AGBL4: variants seen among roughly 807,000 people sequenced by gnomAD.
AGBL4 encodes the protein AGBL carboxypeptidase 4, also known as cytosolic carboxypeptidase 6.
In AGBL4, 58 loss-of-function variants were observed where a neutral mutation model predicts 66.4. The observed-to-expected ratio is 0.87, with a 90% CI of 0.71 to 1.09. AGBL4 has a LOEUF of 1.09. Among genes scored for constraint, AGBL4 ranks in the 50% least tolerant of loss-of-function variants. The probability of loss-of-function intolerance (pLI) is 0.00; values close to 1 mark genes in which losing one functional copy is unlikely to be tolerated. For synonymous variants in AGBL4, 234 were observed against 222.9 expected (o/e 1.05, Z -0.44); for missense variants, 579 against 631.0 (o/e 0.92, Z 0.88).
intron 2 of AGBL4, among the ~76,000 whole-genome samples, chr1:49,792,581 T>A (rs1644627691): frequency 6.6e-6 from 1 of 152,088 alleles, no homozygotes; most frequent in South Asian, 2.1e-4. Context: ...GCTGGGTGCT[T>A]TACACAGGTC....
At chr1:49,668,267 T>C (rs1432653750) in intron 3 of AGBL4, among the ~76,000 whole-genome samples, 1 of 152,218 alleles carries the variant, frequency 6.6e-6, no homozygotes, top group Non-Finnish European at 1.5e-5. Flanking sequence ...TATAAAATAT[T>C]CATTCCCACT....
intron 4 of AGBL4, among the ~76,000 whole-genome samples, chr1:49,091,684 C>T (rs781477902): frequency 1.3e-5 from 2 of 152,036 alleles, no homozygotes; most frequent in Non-Finnish European, 2.9e-5. Context: ...ATTGGGTATA[C>T]ACCCAAAGGA....
At chr1:49,217,515 A>T (rs1231126016) in intron 4 of AGBL4, among the ~76,000 whole-genome samples, 1 of 152,092 alleles carries the variant, frequency 6.6e-6, no homozygotes, top group African/African-American at 2.4e-5. Flanking sequence ...CTATGCACCC[A>T]CCTTACACTT....
intron 8 of AGBL4, among the ~76,000 whole-genome samples, chr1:48,651,957 G>A (rs1645937230): frequency 1.3e-5 from 2 of 152,188 alleles, no homozygotes; most frequent in Admixed American, 6.5e-5. Context: ...CTAGGCATGA[G>A]GGACACAAAG....
At chr1:49,139,087 C>T (rs146900456) in intron 4 of AGBL4, among the ~76,000 whole-genome samples, 2 of 152,172 alleles carry the variant, frequency 1.3e-5, no homozygotes, top group Non-Finnish European at 2.9e-5. Context: ...AACTCGCTAT[C>T]CCAAGAACAG....
chr1:48,641,795 A>G (rs113512096), intron 8 of AGBL4, among the ~76,000 whole-genome samples: 218 of 152,272 alleles, frequency 1.4e-3, no homozygotes, highest in African/African-American at 4.7e-3. Flanking sequence ...CCAACTCTAA[A>G]GCCTATGTTC....
intron 11 of AGBL4, among the ~76,000 whole-genome samples, chr1:48,581,916 T>C (rs1346691573): frequency 6.6e-6 from 1 of 152,210 alleles, no homozygotes; most frequent in Non-Finnish European, 1.5e-5. Flanking sequence ...ACTGTATTCT[T>C]GCCACAGCAT....
At chr1:49,254,414 A>T (rs932590972) in intron 3 of AGBL4, among the ~76,000 whole-genome samples, 1 of 152,206 alleles carries the variant, frequency 6.6e-6, no homozygotes, top group Non-Finnish European at 1.5e-5. Context: ...CCCATTTACA[A>T]TTGCAACAAA....
At chr1:48,565,765 G>A (rs1644467046) in intron 11 of AGBL4, among the ~76,000 whole-genome samples, 1 of 152,310 alleles carries the variant, frequency 6.6e-6, no homozygotes, top group Admixed American at 6.5e-5. Flanking sequence ...AATAATCTCT[G>A]TCTTGTCTTC....
At chr1:49,492,062 C>T (rs1025916490) in intron 3 of AGBL4, among the ~76,000 whole-genome samples, 1 of 151,866 alleles carries the variant, frequency 6.6e-6, no homozygotes, top group African/African-American at 2.4e-5. Flanking sequence ...CTTTATTGTA[C>T]TGCTCTCACA....
intron 5 of AGBL4, among the ~76,000 whole-genome samples, chr1:48,987,844 G>C (rs1348233965): frequency 6.6e-6 from 1 of 152,040 alleles, no homozygotes; most frequent in Non-Finnish European, 1.5e-5. Context: ...AATGTTGCAG[G>C]ATACAAGATA....
intron 11 of AGBL4, among the ~76,000 whole-genome samples, chr1:48,540,833 T>C (rs1293823704): frequency 1.3e-5 from 2 of 152,172 alleles, no homozygotes; most frequent in Non-Finnish European, 1.5e-5. Context: ...TTCTCCTAGA[T>C]TGCTGTCATC....
intron 5 of AGBL4, among the ~76,000 whole-genome samples, chr1:48,977,810 A>C (rs1298132203): frequency 6.6e-6 from 1 of 152,180 alleles, no homozygotes; most frequent in African/African-American, 2.4e-5. Flanking sequence ...TGGAACCCAG[A>C]GGATTATCTG....
At chr1:48,913,670 A>G (rs1427837572) in intron 5 of AGBL4, among the ~76,000 whole-genome samples, 1 of 152,174 alleles carries the variant, frequency 6.6e-6, no homozygotes, top group African/African-American at 2.4e-5. Flanking sequence ...CAGGGCTCCC[A>G]CTAATTATTA....
intron 5 of AGBL4, among the ~76,000 whole-genome samples, chr1:48,942,612 C>G (rs1235183433): frequency 2.6e-5 from 4 of 152,246 alleles, no homozygotes; most frequent in African/African-American, 9.6e-5. Context: ...AAGCTGTGTC[C>G]CAATTCAATG....
chr1:49,829,646 C>T (rs546973244), intron 2 of AGBL4, among the ~76,000 whole-genome samples: 10 of 152,082 alleles, frequency 6.6e-5, no homozygotes, highest in East Asian at 1.9e-4. Flanking sequence ...ATTTAAGTTC[C>T]GGAAAACATG....
intron 2 of AGBL4, among the ~76,000 whole-genome samples, chr1:49,789,930 ATAC>A (rs1644553299): frequency 6.6e-6 from 1 of 152,212 alleles, no homozygotes; most frequent in African/African-American, 2.4e-5. Flanking sequence ...ACTTCAAACT[ATAC>A]TACAAGGCTA....
In AGBL4 at chr1:49,928,488, A is replaced by C. The variant is rs572163614; in HGVS notation, c.35-76970T>G. Among the ~76,000 whole-genome samples, 8 of 152,194 alleles carry C rather than the reference A, an allele frequency of 5.3e-5. No individual in the cohort carries two copies. The South Asian group carries it at 1.7e-3, about 32-fold the overall frequency. ...ATGATCTCGATCTCTTGACCTCGTG[A>C]TCCACCCACCTTGACCTCCCAAAGT... On this transcript the variant is annotated intron_variant, in intron 1 of 13. Coordinates refer to ENST00000371839, the MANE Select transcript of AGBL4 (RefSeq NM_032785.4).
intron 9 of AGBL4, among the ~76,000 whole-genome samples, chr1:48,629,889 T>C (rs1645565892): frequency 6.6e-6 from 1 of 152,210 alleles, no homozygotes. Flanking sequence ...GAGGGGTTTG[T>C]GGTTCAATTC....
Sources: gnomAD v4.1 joint callset for allele counts (sites outside exome capture counted in the v4.1 genomes callset) on GRCh38, gnomAD v4.1.1 for gene constraint, MANE v1.5 for transcripts, NCBI Gene and HGNC (gene_info 2026-07-23, HGNC 2026-07-21) for gene names.